FAM163B: variants seen among roughly 807,000 people sequenced by gnomAD.
The protein encoded by FAM163B is protein FAM163B.
Under a neutral mutation model 7.6 loss-of-function variants are expected in FAM163B, and 4 were observed. The observed-to-expected ratio is 0.52, with a 90% CI of 0.26 to 1.20. The LOEUF (loss-of-function observed/expected upper bound fraction) is 1.20. Ranked by LOEUF, FAM163B falls within the 50% of genes most tolerant of loss-of-function variation. FAM163B has a pLI of 0.14. For missense variants in FAM163B, 250 were observed against 243.0 expected (o/e 1.03, Z -0.19); for synonymous variants, 120 against 111.6 (o/e 1.07, Z -0.47).
intron 1 of FAM163B, among the ~76,000 whole-genome samples, chr9:133,596,790 G>C (rs1212449048): frequency 6.6e-6 from 1 of 152,224 alleles, no homozygotes; most frequent in African/African-American, 2.4e-5. Context: ...TGGCTGAACA[G>C]TGACTCAAAT....
intron 1 of FAM163B, among the ~76,000 whole-genome samples, chr9:133,589,857 C>G (rs556465347): frequency 1.3e-5 from 2 of 150,872 alleles, no homozygotes; most frequent in African/African-American, 4.8e-5. Flanking sequence ...CAAGAACATT[C>G]TGGGCTGCAG....
At chr9:133,607,160 A>C (rs932446945) in intron 1 of FAM163B, among the ~76,000 whole-genome samples, 1 of 152,146 alleles carries the variant, frequency 6.6e-6, no homozygotes, top group East Asian at 1.9e-4. Flanking sequence ...CGGGGCTTAG[A>C]TGAACAGAGC....
intron 1 of FAM163B, among the ~76,000 whole-genome samples, chr9:133,583,864 C>T (rs985997600): frequency 2.6e-5 from 4 of 152,252 alleles, no homozygotes; most frequent in African/African-American, 2.4e-5. Flanking sequence ...ACGCCCGAGA[C>T]GGCGCCAGGT....
At chr9:133,584,303 C>T (rs1364019772) in intron 1 of FAM163B, among the ~76,000 whole-genome samples, 9 of 152,280 alleles carry the variant, frequency 5.9e-5, no homozygotes, top group Admixed American at 1.3e-4. Context: ...TACGAGTCTG[C>T]GGGGCCTCTG....
rs3074996 is a variant in FAM163B, at chr9:133,600,259, CTGTGTGTGTGTGTG to C, written c.-24+8804_-24+8817del. ...CTGTGTGCATGTGTGTGAGTGTGGT[CTGTGTGTGTGTGTG>C]TGTGTGTGTGTGTGTGTGTGTGTAG... On this transcript the variant is annotated intron_variant, in intron 1 of 2. Transcript: ENST00000673969. This position sits in a 1 kb window ranked among gnomAD's most constrained non-coding sequence, Gnocchi z 4.9. Among the ~76,000 whole-genome samples the C allele has an allele frequency of 1.4e-3, 205 of 146,590 alleles. 3 individuals carry two copies. Among genetic ancestry groups the C allele is most frequent in the African/African-American group, 4.5e-3 (178 of 39,920 alleles).
chr9:133,603,650 T>C (rs1831756523), intron 1 of FAM163B, among the ~76,000 whole-genome samples: 1 of 152,188 alleles, frequency 6.6e-6, no homozygotes, highest in Non-Finnish European at 1.5e-5. Flanking sequence ...GGAGCCCGCA[T>C]GTCTGTGCCA....
chr9:133,603,862 C>A (rs1265536566), intron 1 of FAM163B, among the ~76,000 whole-genome samples: 2 of 152,152 alleles, frequency 1.3e-5, no homozygotes, highest in Non-Finnish European at 2.9e-5. Flanking sequence ...GGGGAGGGGG[C>A]AGAGTCTCAC....
rs748022136 is a variant in FAM163B at position 133,606,795 on chromosome 9, T to C, written c.-24+2282A>G. ...CCCGAGAGTTTAGAGTCAGAGGTAA[T>C]TGACTGAGATGTAATACATCTCTCC... On this transcript the variant is annotated intron_variant, in intron 1 of 2. Transcript: ENST00000673969. The surrounding 1 kb of genome is among the most constrained non-coding windows in gnomAD (Gnocchi z 4.0). Among the ~76,000 whole-genome samples, 29 of 152,114 alleles carry C rather than the reference T, an allele frequency of 1.9e-4. No homozygotes were observed. The highest frequency in any genetic ancestry group is 3.2e-4 in the Non-Finnish European group (22 of 68,008).
At position 133,601,606 on chromosome 9, in the gene FAM163B, C is replaced by G. The variant is rs577304144; in HGVS notation, c.-24+7471G>C. On this transcript the variant is annotated intron_variant, in intron 1 of 2. Transcript: ENST00000673969. This position sits in a 1 kb window ranked among gnomAD's most constrained non-coding sequence, Gnocchi z 4.1. Reference sequence around the variant, plus strand: ...AGCTACCCCCCGGACTGCTCCTACACGCTGGCTTGCTTCCCATTTCTGGAA... The same window carrying G: ...AGCTACCCCCCGGACTGCTCCTACAGGCTGGCTTGCTTCCCATTTCTGGAA... 6.6e-6 allele frequency among the ~76,000 whole-genome samples: 1 copy of G among 152,226 alleles called. No homozygotes were observed. The highest frequency in any genetic ancestry group is 1.5e-5 in the Non-Finnish European group (1 of 68,046).
chr9:133,591,600 G>C (rs1026506174), intron 1 of FAM163B, among the ~76,000 whole-genome samples: 1 of 152,200 alleles, frequency 6.6e-6, no homozygotes, highest in Admixed American at 6.5e-5. Context: ...ACTGAAACCT[G>C]GCTGCGGGCG....
At chr9:133,589,340 A>C (rs1224205070) in intron 1 of FAM163B, among the ~76,000 whole-genome samples, 1 of 152,222 alleles carries the variant, frequency 6.6e-6, no homozygotes, top group African/African-American at 2.4e-5. Context: ...GCCAAGGCAA[A>C]GATTATTATT....
chr9:133,601,596 T>C lies in FAM163B; in HGVS notation c.-24+7481A>G, dbSNP rs746745429. 2.0e-5 allele frequency among the ~76,000 whole-genome samples: 3 copies of C among 152,238 alleles called. No individual in the cohort carries two copies. The highest frequency in any genetic ancestry group is 2.0e-4 in the Admixed American group (3 of 15,288). ...GGTCAGACGCAGCTACCCCCCGGACTGCTCCTACACGCTGGCTTGCTTCCC... is the reference window on the plus strand; with the variant it reads ...GGTCAGACGCAGCTACCCCCCGGACCGCTCCTACACGCTGGCTTGCTTCCC... On this transcript the variant is annotated intron_variant, in intron 1 of 2. Coordinates refer to ENST00000673969, the MANE Select transcript of FAM163B (RefSeq NM_001080515.3). This position sits in a 1 kb window ranked among gnomAD's most constrained non-coding sequence, Gnocchi z 4.1.
chr9:133,592,359 A>C (rs528212387), intron 1 of FAM163B, among the ~76,000 whole-genome samples: 2 of 152,124 alleles, frequency 1.3e-5, no homozygotes, highest in Admixed American at 6.5e-5. Flanking sequence ...GGGAAAGTCA[A>C]CCTGAGCTCA....
At chr9:133,586,875 G>A (rs1588324840) in intron 1 of FAM163B, among the ~76,000 whole-genome samples, 1 of 150,892 alleles carries the variant, frequency 6.6e-6, no homozygotes, top group African/African-American at 2.5e-5. Context: ...GGGACTCTGT[G>A]CATTCATCTC....
At chr9:133,593,626 T>A (rs1004007902) in intron 1 of FAM163B, among the ~76,000 whole-genome samples, 3 of 152,244 alleles carry the variant, frequency 2.0e-5, no homozygotes, top group African/African-American at 7.2e-5. Context: ...GACCATGGCC[T>A]CAGTCTTGTC....
chr9:133,608,587 G>T (rs1831817568), intron 1 of FAM163B, among the ~76,000 whole-genome samples: 1 of 152,230 alleles, frequency 6.6e-6, no homozygotes, highest in Admixed American at 6.5e-5. Flanking sequence ...ACCTCTCGGA[G>T]ACTCAGTTTC....
intron 1 of FAM163B, among the ~76,000 whole-genome samples, chr9:133,605,732 G>A (rs535075472): frequency 1.3e-5 from 2 of 152,246 alleles, no homozygotes; most frequent in East Asian, 3.9e-4. Flanking sequence ...GGCCCATCCC[G>A]AGCGTCCGGC....
In FAM163B at chr9:133,606,209, A is replaced by G. The variant is rs532980248; in HGVS notation, c.-24+2868T>C. Among the ~76,000 whole-genome samples, 48 of 152,152 alleles carry G rather than the reference A, an allele frequency of 3.2e-4. No homozygotes were observed. Among genetic ancestry groups the G allele is most frequent in the African/African-American group, 1.0e-3 (42 of 41,508 alleles). ...AGAAAGCAGCAAAGCTGGGCTTTCA[A>G]CTCTACCTCCACCAGCCCACTTCAC... On this transcript the variant is annotated intron_variant, in intron 1 of 2. Transcript: ENST00000673969. The surrounding 1 kb of genome is among the most constrained non-coding windows in gnomAD (Gnocchi z 4.0).
intron 1 of FAM163B, among the ~76,000 whole-genome samples, chr9:133,584,699 G>C (rs1323960286): frequency 1.3e-5 from 2 of 152,222 alleles, no homozygotes; most frequent in Admixed American, 1.3e-4. Context: ...GAAACTTCCT[G>C]GAGGAGGAAG....
Sources: gnomAD v4.1 joint callset for allele counts (sites outside exome capture counted in the v4.1 genomes callset) on GRCh38, gnomAD v4.1.1 for gene constraint, Gnocchi (gnomAD v3.1) non-coding constraint, MANE v1.5 for transcripts, NCBI Gene and HGNC (gene_info 2026-07-23, HGNC 2026-07-21) for gene names.